FGGY: variants seen among roughly 807,000 people sequenced by gnomAD.
FGGY encodes FGGY carbohydrate kinase domain-containing protein.
A neutral mutation model predicts 71.3 loss-of-function variants in FGGY; 72 were observed. The observed-to-expected ratio is 1.01, with a 90% CI of 0.84 to 1.23. The LOEUF is 1.23. FGGY is among the 50% of genes most tolerant of loss of function. The probability of loss-of-function intolerance (pLI) is 0.00; values close to 1 mark genes in which losing one functional copy is unlikely to be tolerated. For synonymous variants in FGGY, 251 were observed against 250.3 expected (o/e 1.00, Z -0.02); for missense variants, 668 against 682.3 (o/e 0.98, Z 0.23).
intron 14 of FGGY, chr1:59,697,779 C>G: frequency 9.5e-7 from 1 of 1,047,144 alleles, no homozygotes; most frequent in Non-Finnish European, 1.3e-6. Context: ...GCATGCTGTG[C>G]CCCTCCACAT....
chr1:59,478,809 A>AGATGTGCCTGCAAAGGAGGCTAAG (rs2093364125), intron 6 of FGGY, among the ~76,000 whole-genome samples: 1 of 152,194 alleles, frequency 6.6e-6, no homozygotes, highest in Non-Finnish European at 1.5e-5. Context: ...AGGTAGAGGA[A>AGATGTGCCTGCAAAGGAGGCTAAG]GATGTGCCTG....
chr1:59,719,385 A>T (rs2097868617), intron 14 of FGGY, among the ~76,000 whole-genome samples: 1 of 152,184 alleles, frequency 6.6e-6, no homozygotes, highest in Admixed American at 6.5e-5. Flanking sequence ...ATCCTAGGGA[A>T]ATTACTTAAC....
intron 6 of FGGY, among the ~76,000 whole-genome samples, chr1:59,490,220 A>T (rs1193863581): frequency 6.6e-6 from 1 of 151,938 alleles, no homozygotes; most frequent in Non-Finnish European, 1.5e-5. Flanking sequence ...CCACCTAATT[A>T]AAAAAAATTT....
intron 6 of FGGY, among the ~76,000 whole-genome samples, chr1:59,495,392 G>A (rs186388803): frequency 2.6e-5 from 4 of 151,896 alleles, no homozygotes; most frequent in East Asian, 1.9e-4. Flanking sequence ...CATCTTCATC[G>A]TGAAATCTTA....
intron 4 of FGGY, among the ~76,000 whole-genome samples, chr1:59,353,900 A>G (rs1337101961): frequency 6.6e-6 from 1 of 152,174 alleles, no homozygotes; most frequent in East Asian, 1.9e-4. Flanking sequence ...AAGAAATTAC[A>G]GTCTAGTTAA....
chr1:59,534,123 G>A (rs1442607500), intron 7 of FGGY, among the ~76,000 whole-genome samples: 2 of 152,176 alleles, frequency 1.3e-5, no homozygotes, highest in Non-Finnish European at 1.5e-5. Flanking sequence ...AACCAATACA[G>A]AGAAGTGCTT....
chr1:59,723,104 GCTT>G (rs1279786369), intron 14 of FGGY, among the ~76,000 whole-genome samples: 1 of 152,106 alleles, frequency 6.6e-6, no homozygotes, highest in Non-Finnish European at 1.5e-5. Context: ...GCCAGAGTCT[GCTT>G]CTTGTTACTG....
At chr1:59,745,985 T>C (rs1258817644) in intron 14 of FGGY, among the ~76,000 whole-genome samples, 5 of 152,092 alleles carry the variant, frequency 3.3e-5, no homozygotes, top group Non-Finnish European at 7.4e-5. Flanking sequence ...AGTATTGAAG[T>C]GAAATGGAGA....
In FGGY at chr1:59,508,274, A is replaced by G. The variant is rs541393143; in HGVS notation, c.671-4037A>G. ...CTTAGTTTTTCATCATCTTTGTCCC[A>G]AACCACAATATGAGACCTCAGCACC... On this transcript the variant is annotated intron_variant, in intron 6 of 15. Coordinates refer to ENST00000303721, the MANE Select transcript of FGGY (RefSeq NM_018291.5). 2.5e-3 allele frequency among the ~76,000 whole-genome samples: 384 copies of G among 152,312 alleles called. 1 individual carries two copies. The highest frequency in any genetic ancestry group is 6.9e-3 in the Admixed American group (106 of 15,298).
At chr1:59,667,985 T>TATA (rs1299411090) in intron 13 of FGGY, among the ~76,000 whole-genome samples, 1 of 152,210 alleles carries the variant, frequency 6.6e-6, no homozygotes, top group Admixed American at 6.5e-5. Context: ...GGCTGGATGC[T>TATA]ATAGGATCTG....
intron 13 of FGGY, 101 bp downstream of exon 13, chr1:59,667,504 T>G (rs1158832120): frequency 4.4e-6 from 6 of 1,359,332 alleles, no homozygotes; most frequent in Non-Finnish European, 6.1e-6. Context: ...ATATGCGGTA[T>G]GCCAGATTAT....
At chr1:59,659,969 C>A (rs940702829) in intron 11 of FGGY, among the ~76,000 whole-genome samples, 1 of 152,126 alleles carries the variant, frequency 6.6e-6, no homozygotes, top group Non-Finnish European at 1.5e-5. Context: ...CAAACATAAT[C>A]TTCCTGTGGT....
chr1:59,327,196 A>G (rs905728369), intron 2 of FGGY, among the ~76,000 whole-genome samples: 11 of 152,310 alleles, frequency 7.2e-5, no homozygotes, highest in African/African-American at 2.6e-4. Context: ...GTAGCATGCA[A>G]TGTTGTTTGA....
chr1:59,543,307 G>A (rs142250766), intron 7 of FGGY, among the ~76,000 whole-genome samples: 3 of 152,296 alleles, frequency 2.0e-5, no homozygotes, highest in East Asian at 1.9e-4. Flanking sequence ...ATCCGGTGGT[G>A]TGGGTCACCT....
intron 5 of FGGY, among the ~76,000 whole-genome samples, chr1:59,447,676 A>T (rs188715248): frequency 1.3e-5 from 2 of 152,306 alleles, no homozygotes; most frequent in African/African-American, 4.8e-5. Context: ...AGATGGTTTT[A>T]TAAGGGGGAA....
At chr1:59,351,724 G>A (rs184569924) in intron 4 of FGGY, among the ~76,000 whole-genome samples, 98 of 152,302 alleles carry the variant, frequency 6.4e-4, no homozygotes, top group African/African-American at 2.3e-3. Flanking sequence ...GGCAGGAGAT[G>A]GGTCCTAGAA....
intron 14 of FGGY, chr1:59,699,363 G>A (rs2097690981): frequency 1.0e-6 from 1 of 985,238 alleles, no homozygotes; most frequent in Non-Finnish European, 1.2e-6. Flanking sequence ...GTTATTGAAA[G>A]TGTTTCATAT....
At chr1:59,673,164 A>C (rs576117805) in intron 13 of FGGY, among the ~76,000 whole-genome samples, 1 of 152,350 alleles carries the variant, frequency 6.6e-6, no homozygotes, top group South Asian at 2.1e-4. Flanking sequence ...ACAGACATTA[A>C]ACAAGATAAG....
chr1:59,330,390 A>G (rs1313274457), intron 2 of FGGY, among the ~76,000 whole-genome samples: 2 of 151,988 alleles, frequency 1.3e-5, no homozygotes, highest in Non-Finnish European at 2.9e-5. Flanking sequence ...TCAACATGGC[A>G]AAACCTTGTT....
Sources: gnomAD v4.1 joint callset for allele counts (sites outside exome capture counted in the v4.1 genomes callset) on GRCh38, gnomAD v4.1.1 for gene constraint, MANE v1.5 for transcripts, NCBI Gene and HGNC (gene_info 2026-07-23, HGNC 2026-07-21) for gene names.